The following ARHGEF12 variants were observed in gnomAD, a reference collection of about 807,000 sequenced individuals.
The protein encoded by ARHGEF12 is KMT2A/ARHGEF12 fusion protein.
In ARHGEF12, 66 loss-of-function variants were observed where a neutral mutation model predicts 211.2. The ratio of observed to expected loss-of-function variants is 0.31; its 90% CI spans 0.26 to 0.38. ARHGEF12 has a LOEUF of 0.38. ARHGEF12 is among the 10% of genes least tolerant of loss of function. The pLI is 1.00. For synonymous variants in ARHGEF12, 592 were observed against 638.4 expected (o/e 0.93, Z 1.09); for missense variants, 1,429 against 1,869.5 (o/e 0.76, Z 4.34).
intron 2 of ARHGEF12, 88 bp from the exon 3 acceptor site, chr11:120,407,650 T>C (rs6589812): frequency 0.4 from 384,218 of 955,378 alleles, 78,573 homozygotes; most frequent in African/African-American, 0.53. Flanking sequence ...TTCCTGGTTT[T>C]TCTTGTAAGA....
At chr11:120,471,988 T>C (rs1946882280) in intron 30 of ARHGEF12, among the ~76,000 whole-genome samples, 2 of 152,218 alleles carry the variant, frequency 1.3e-5, no homozygotes, top group African/African-American at 4.8e-5. Context: ...GTAACTTAAA[T>C]GCCCATCAGT....
chr11:120,448,940 C>T (rs986215394), intron 20 of ARHGEF12, 169 bp from the exon 21 acceptor site: 5 of 577,032 alleles, frequency 8.7e-6, no homozygotes, highest in African/African-American at 5.6e-5. Flanking sequence ...GAGGTGTACA[C>T]GGTACTGTGT....
chr11:120,417,722 C>T (rs1159952466), intron 4 of ARHGEF12, among the ~76,000 whole-genome samples: 1 of 152,090 alleles, frequency 6.6e-6, no homozygotes, highest in Non-Finnish European at 1.5e-5. Flanking sequence ...TCACTCCTGA[C>T]TTCATTCAGG....
intron 1 of ARHGEF12, among the ~76,000 whole-genome samples, chr11:120,397,944 TG>T (rs1944438759): frequency 6.6e-6 from 1 of 152,218 alleles, no homozygotes; most frequent in Non-Finnish European, 1.5e-5. Context: ...ATAACAATGC[TG>T]GGTGTTGGGA....
intron 1 of ARHGEF12, among the ~76,000 whole-genome samples, chr11:120,363,222 C>G (rs1943328159): frequency 6.6e-6 from 1 of 152,182 alleles, no homozygotes; most frequent in African/African-American, 2.4e-5. Flanking sequence ...TTAATTATTT[C>G]CTGCTTTAAC....
Position 120,428,241 on chromosome 11 carries a change from C to T in ARHGEF12, c.579C>T (p.Leu193=). 6.3e-7 allele frequency: 1 copy of T among 1,577,914 alleles called. No individual in the cohort carries two copies. The highest frequency in any genetic ancestry group is 8.6e-7 in the Non-Finnish European group (1 of 1,161,984). ...TGGAGAGAATCACTAGTCCTGTGCTCATGGGGGTAAGAATGGGGAAATTTC... is the reference window on the plus strand; with the variant it reads ...TGGAGAGAATCACTAGTCCTGTGCTTATGGGGGTAAGAATGGGGAAATTTC... The part of the protein sequence containing the change: ...GNMERITSPV[L]MGEENNVVHN... Residue 193 remains leucine, a synonymous_variant, in exon 8 of 41, where the codon CTC becomes CTT. Transcript: ENST00000397843.
Position 120,474,630 on chromosome 11 carries a change from C to A in ARHGEF12, c.3104C>A (p.Thr1035Asn). ...GTTTGGAAGGTGAATAGAGATAAAA[C>A]TATTGGTAGGTCTGATATTGTCTTT... ...PLVWKVNRDK[T>N]IDLYTLLLED... Residue 1035 changes from threonine to asparagine, a missense_variant, in exon 32 of 41, where the codon ACT becomes AAT. Transcript: ENST00000397843. 6.2e-7 allele frequency: 1 copy of A among 1,610,198 alleles called. No individual in the cohort carries two copies. Among genetic ancestry groups the A allele is most frequent in the Non-Finnish European group, 8.5e-7 (1 of 1,178,652 alleles).
intron 22 of ARHGEF12, among the ~76,000 whole-genome samples, 173 bp downstream of exon 22, chr11:120,451,897 TC>T (rs1946225692): frequency 6.6e-6 from 1 of 152,264 alleles, no homozygotes. Context: ...ACTTAAGTTC[TC>T]ATTTGTCCAA....
chr11:120,458,454 G>A, intron 25 of ARHGEF12: 1 of 477,206 alleles, frequency 2.1e-6, no homozygotes, highest in Non-Finnish European at 3.6e-6. Context: ...AAGCCTTAAA[G>A]ATATTTAAGA....
intron 1 of ARHGEF12, among the ~76,000 whole-genome samples, chr11:120,376,702 GT>G (rs1943733554): frequency 6.6e-6 from 1 of 151,716 alleles, no homozygotes; most frequent in African/African-American, 2.4e-5. Flanking sequence ...ATAAATTATG[GT>G]TGACTGTAAT....
intron 31 of ARHGEF12, 92 bp downstream of exon 31, chr11:120,473,219 C>T: frequency 9.1e-7 from 1 of 1,099,470 alleles, no homozygotes. Context: ...ATATACGTCA[C>T]CTGAAGGAGT....
In ARHGEF12 at chr11:120,428,108, C is replaced by T. The variant is rs769314108; in HGVS notation, c.446C>T (p.Pro149Leu). 1.2e-6 allele frequency: 2 copies of T among 1,608,214 alleles called. No homozygotes were observed. Among genetic ancestry groups the T allele is most frequent in the Non-Finnish European group, 1.7e-6 (2 of 1,177,594 alleles). The change falls in exon 8 of 41, where the codon CCT becomes CTT. Residue 149 changes from proline to leucine, a missense_variant. This residue lies in a region of ARHGEF12 where 254 missense variants were observed against 286.4 expected (regional missense o/e 0.89). Coordinates refer to ENST00000397843, the MANE Select transcript of ARHGEF12 (RefSeq NM_015313.3). ...GCTCTCACTGTTCAGGGACGCCCAC[C>T]TGGGTCGCCCCAGATTCCACTTGCC... ...YVALTVQGRP[P>L]GSPQIPLADS...
At chr11:120,479,856 C>T (rs1565515890) in intron 37 of ARHGEF12, 104 bp from the exon 38 acceptor site, 3 of 896,826 alleles carry the variant, frequency 3.3e-6, no homozygotes, top group East Asian at 2.5e-5. Context: ...TTAAAAGATA[C>T]TTTTTAAAGA....
chr11:120,451,479 A>C (rs762733393), intron 21 of ARHGEF12, 33 bp from the exon 22 acceptor site: 2 of 1,609,688 alleles, frequency 1.2e-6, no homozygotes, highest in Admixed American at 3.3e-5. Context: ...ACCCAGCCGC[A>C]ATACAGATTA....
At chr11:120,365,512 G>A (rs1251752624) in intron 1 of ARHGEF12, among the ~76,000 whole-genome samples, 1 of 152,158 alleles carries the variant, frequency 6.6e-6, no homozygotes, top group Non-Finnish European at 1.5e-5. Context: ...TGAGATGAAA[G>A]TTTGGCTCTT....
At chr11:120,397,920 A>G (rs1944437632) in intron 1 of ARHGEF12, among the ~76,000 whole-genome samples, 1 of 152,216 alleles carries the variant, frequency 6.6e-6, no homozygotes, top group African/African-American at 2.4e-5. Flanking sequence ...TTGGGAAAGA[A>G]TGGGAATATA....
At chr11:120,397,178 G>A (rs1944417241) in intron 1 of ARHGEF12, among the ~76,000 whole-genome samples, 1 of 152,168 alleles carries the variant, frequency 6.6e-6, no homozygotes, top group East Asian at 1.9e-4. Flanking sequence ...TAGGGAGAGA[G>A]TCTCTCTCAC....
intron 1 of ARHGEF12, among the ~76,000 whole-genome samples, chr11:120,403,279 G>T (rs1027021983): frequency 2.6e-5 from 4 of 152,174 alleles, no homozygotes; most frequent in Non-Finnish European, 4.4e-5. Flanking sequence ...GGCCAAGGCA[G>T]GCTGATCACT....
rs143414767 is a variant in ARHGEF12 at position 120,424,345 on chromosome 11, C to G, written c.349-13C>G. 174 of 1,608,646 alleles carry G rather than the reference C, an allele frequency of 1.1e-4. No individual in the cohort carries two copies. The East Asian group carries it at 3.9e-3, about 36-fold the overall frequency. On this transcript the variant is annotated splice_polypyrimidine_tract_variant and intron_variant, in intron 6 of 40. Transcript: ENST00000397843. The stretch of plus-strand genomic sequence containing the variant: ...GAATGTATCTGACATACACTACTTT[C>G]GTTTTCTTACAGGTGAATGGAACTC...
Sources: gnomAD v4.1 joint callset for allele counts (sites outside exome capture counted in the v4.1 genomes callset) on GRCh38, gnomAD v4.1.1 for gene constraint, gnomAD v4.1.1 regional missense constraint, MANE v1.5 for transcripts, NCBI Gene and HGNC (gene_info 2026-07-23, HGNC 2026-07-21) for gene names.